Variants in PSG2 observed in about 807,000 individuals in gnomAD.
PSG2 encodes the protein pregnancy-specific beta-1-glycoprotein 2.
In PSG2, 49 loss-of-function variants were observed where a neutral mutation model predicts 36.2. The ratio of observed to expected loss-of-function variants is 1.35; its 90% CI spans 1.08 to 1.72. The LOEUF (loss-of-function observed/expected upper bound fraction) is 1.72. Among genes scored for constraint, PSG2 ranks in the 40% most tolerant of loss-of-function variants. PSG2 has a pLI of 0.00. For missense variants in PSG2, 605 were observed against 407.2 expected (o/e 1.49, Z -4.18); for synonymous variants, 261 against 155.6 (o/e 1.68, Z -5.04).
intron 2 of PSG2, among the ~76,000 whole-genome samples, chr19:43,077,811 T>G (rs1321305065): frequency 1.3e-5 from 2 of 151,880 alleles, no homozygotes; most frequent in Admixed American, 6.6e-5. Flanking sequence ...TTCCCCACTC[T>G]TCTTGAACTT....
intron 2 of PSG2, among the ~76,000 whole-genome samples, chr19:43,078,054 T>C (rs1967922305): frequency 6.6e-6 from 1 of 151,694 alleles, no homozygotes; most frequent in African/African-American, 2.4e-5. Context: ...TGCAGGCCTG[T>C]CCAGCCTCTG....
At chr19:43,068,476 A>C (rs60397464) in intron 4 of PSG2, among the ~76,000 whole-genome samples, 2 of 150,688 alleles carry the variant, frequency 1.3e-5, no homozygotes, top group Non-Finnish European at 2.9e-5. Flanking sequence ...AAAAGAAAGA[A>C]AGAAAGAAAG....
chr19:43,066,665 G>A (rs929821387), intron 4 of PSG2, 65 bp from the exon 5 acceptor site: 1 of 1,476,832 alleles, frequency 6.8e-7, no homozygotes, highest in Admixed American at 1.7e-5. Flanking sequence ...GGAGCATCAG[G>A]AACAAGCATG....
At chr19:43,073,347 G>C (rs4302150) in intron 3 of PSG2, among the ~76,000 whole-genome samples, 46,918 of 151,522 alleles carry the variant, frequency 0.31, 9,860 homozygotes, top group African/African-American at 0.58. Flanking sequence ...TGGAGCAGAA[G>C]CATGTTCCCT....
intron 2 of PSG2, among the ~76,000 whole-genome samples, chr19:43,077,813 C>G (rs534909354): frequency 1.3e-5 from 2 of 151,834 alleles, no homozygotes; most frequent in African/African-American, 4.9e-5. Context: ...CCCCACTCTT[C>G]TTGAACTTTC....
At chr19:43,069,712 C>A (rs1172332964) in intron 4 of PSG2, among the ~76,000 whole-genome samples, 1 of 151,546 alleles carries the variant, frequency 6.6e-6, no homozygotes, top group Non-Finnish European at 1.5e-5. Flanking sequence ...CATAATAGAT[C>A]AAAGATCTAA....
chr19:43,065,819 A>G (rs1481548785), intron 5 of PSG2: 1 of 151,862 alleles, frequency 6.6e-6, no homozygotes, highest in African/African-American at 2.4e-5. Flanking sequence ...TTTGTTCTCC[A>G]CGAGGTCACA....
intron 3 of PSG2, chr19:43,072,361 C>T (rs1967831894): frequency 3.7e-6 from 6 of 1,612,628 alleles, no homozygotes; most frequent in Non-Finnish European, 5.1e-6. Context: ...AGAGGACATT[C>T]AGGGTGACTG....
chr19:43,071,891 T>A lies in PSG2; in HGVS notation c.773A>T (p.Tyr258Phe), dbSNP rs930308339. 6.2e-7 allele frequency: 1 copy of A among 1,612,762 alleles called. No homozygotes were observed. Among genetic ancestry groups the A allele is most frequent in the Non-Finnish European group, 8.5e-7 (1 of 1,179,314 alleles). The change falls in exon 4 of 6, where the codon TAC (tyrosine) becomes TTC (phenylalanine). Residue 258 changes from tyrosine to phenylalanine, a missense_variant. Tyr to Phe is a conservative substitution (Grantham distance 22, BLOSUM62 3). Coordinates refer to ENST00000406487, the MANE Select transcript of PSG2 (RefSeq NM_031246.4). ...GTTAGAGTTCGCGAAGCAAGACAAG[T>A]AGAGGTTATCTCCTGAACGGTAATT... The part of the protein sequence containing the change: ...YTNYRSGDNL[Y>F]LSCFANSNPP...
intron 3 of PSG2, chr19:43,072,239 G>C: frequency 6.6e-7 from 1 of 1,514,964 alleles, no homozygotes; most frequent in Non-Finnish European, 8.9e-7. Context: ...GGCCAGCTTG[G>C]ATGTCCAGAA....
chr19:43,080,196 T>G (rs1189926557), intron 2 of PSG2, among the ~76,000 whole-genome samples: 1 of 151,760 alleles, frequency 6.6e-6, no homozygotes, highest in African/African-American at 2.4e-5. Flanking sequence ...CTGGGGACAT[T>G]AGACTTCCTA....
Position 43,064,598 on chromosome 19 carries a change from T to A in PSG2, c.*44A>T. 1.5e-6 allele frequency: 1 copy of A among 659,586 alleles called. No homozygotes were observed. Among genetic ancestry groups the A allele is most frequent in the Non-Finnish European group, 2.9e-6 (1 of 350,128 alleles). 40.9% of individuals were successfully genotyped at this position (659,586 alleles called of 1,614,324 possible). Reference sequence around the variant, plus strand: ...TCCTTGTAAGAGACCTTTCCATAAATCTCCTTGAAGAAAAAGCAATTTTGG... The same window carrying A: ...TCCTTGTAAGAGACCTTTCCATAAAACTCCTTGAAGAAAAAGCAATTTTGG... On this transcript the variant is annotated 3_prime_UTR_variant, in exon 6 of 6. Coordinates refer to ENST00000406487, the MANE Select transcript of PSG2 (RefSeq NM_031246.4).
rs778858867 is a variant in PSG2 at position 43,071,911 on chromosome 19, G to A, written c.753C>T (p.Tyr251=). The A allele has an allele frequency of 1.2e-5, 19 of 1,612,498 alleles. 1 individual carries two copies. In the Admixed American group the frequency reaches 3.2e-4, roughly 27 times the overall value. The change falls in exon 4 of 6, where the codon TAC becomes TAT. Residue 251 remains tyrosine, a synonymous_variant. Coordinates refer to ENST00000406487, the MANE Select transcript of PSG2 (RefSeq NM_031246.4). ...LPRIHPSYTN[Y]RSGDNLYLSC... Reference sequence around the variant, plus strand: ...ACAAGTAGAGGTTATCTCCTGAACGGTAATTGGTGTATGAAGGGTGAATTC... The same window carrying A: ...ACAAGTAGAGGTTATCTCCTGAACGATAATTGGTGTATGAAGGGTGAATTC...
intron 2 of PSG2, among the ~76,000 whole-genome samples, chr19:43,079,335 G>A (rs575232257): frequency 6.6e-6 from 1 of 151,556 alleles, no homozygotes; most frequent in African/African-American, 2.4e-5. Context: ...GTTACATGAG[G>A]TGGGGTTGCT....
chr19:43,071,797 G>A lies in PSG2; in HGVS notation c.867C>T (p.Pro289=), dbSNP rs1058108. The A allele has an allele frequency of 6.2e-7, 1 of 1,612,786 alleles. No homozygotes were observed. Among genetic ancestry groups the A allele is most frequent in the South Asian group, 1.1e-5 (1 of 91,030 alleles). ...GCCCGCTATGCTTTGTAGTAATTTG[G>A]GGGATAAACAGATTTTGTCCTGATT... The part of the protein sequence containing the change: ...FQQSGQNLFI[P]QITTKHSGLY... Residue 289 remains proline (P), a synonymous_variant, in exon 4 of 6, where the codon CCC becomes CCT. Coordinates refer to ENST00000406487, the MANE Select transcript of PSG2 (RefSeq NM_031246.4).
chr19:43,071,791 A>C lies in PSG2; in HGVS notation c.873T>G (p.Ile291Met). 3.1e-6 allele frequency: 5 copies of C among 1,612,728 alleles called. No homozygotes were observed. Among genetic ancestry groups the C allele is most frequent in the Non-Finnish European group, 4.2e-6 (5 of 1,179,296 alleles). ...CATAGAGCCCGCTATGCTTTGTAGT[A>C]ATTTGGGGGATAAACAGATTTTGTC... ...QSGQNLFIPQ[I>M]TTKHSGLYVC... The change falls in exon 4 of 6, where the codon ATT becomes ATG. Residue 291 changes from isoleucine to methionine, a missense_variant. Transcript: ENST00000406487.
chr19:43,075,400 G>A lies in PSG2; in HGVS notation c.663C>T (p.Asn221=), dbSNP rs141074506. The A allele has an allele frequency of 4.3e-6, 7 of 1,613,020 alleles. No homozygotes were observed. In the African/African-American group the frequency reaches 9.4e-5, roughly 22 times the overall value. Residue 221 remains asparagine (N), a synonymous_variant, in exon 3 of 6, where the codon AAC becomes AAT. Coordinates refer to ENST00000406487, the MANE Select transcript of PSG2 (RefSeq NM_031246.4). The part of the protein sequence containing the change: ...TAGPYECEIR[N]SGSASRSDPV... ...GGTCACTGCGGCTGGCACTCCCTGA[G>A]TTCCGTATTTCACATTCATAGGGTC...
At chr19:43,073,763 G>A (rs571397212) in intron 3 of PSG2, among the ~76,000 whole-genome samples, 1 of 151,758 alleles carries the variant, frequency 6.6e-6, no homozygotes, top group East Asian at 1.9e-4. Context: ...AGAGCTTGAT[G>A]CCTATAGTTC....
chr19:43,081,372 C>G (rs1292742643), intron 1 of PSG2, 126 bp from the exon 2 acceptor site: 3 of 1,250,110 alleles, frequency 2.4e-6, no homozygotes, highest in African/African-American at 1.5e-5. Flanking sequence ...CACACACACA[C>G]ACACACACAC....
Sources: allele counts gnomAD v4.1 joint callset (sites outside exome capture counted in the v4.1 genomes callset), GRCh38; gene constraint gnomAD v4.1.1; transcripts MANE v1.5; gene names NCBI Gene and HGNC (gene_info 2026-07-23, HGNC 2026-07-21).